OTOA: variants seen among roughly 807,000 people sequenced by gnomAD.
OTOA encodes otoancorin.
A neutral mutation model predicts 110.8 loss-of-function variants in OTOA; 70 were observed. That is an observed-to-expected ratio of 0.63 (90% CI 0.52 to 0.77). OTOA has a LOEUF of 0.77. Among genes scored for constraint, OTOA ranks in the 30% least tolerant of loss-of-function variants. The pLI is 0.00. For synonymous variants in OTOA, 373 were observed against 431.5 expected, an observed-to-expected ratio of 0.86 and a Z score of 1.68; for missense variants, 917 against 1,075.8, an observed-to-expected ratio of 0.85 and a Z score of 2.06.
At chr16:21,704,012 A>G (rs1240706254) in intron 11 of OTOA, among the ~76,000 whole-genome samples, 2 of 152,180 alleles carry the variant, frequency 1.3e-5, no homozygotes, top group African/African-American at 2.4e-5. Context: ...TGTGCACTGC[A>G]GAACTGTGTA....
At chr16:21,706,686 C>T (rs58430212) in intron 12 of OTOA, among the ~76,000 whole-genome samples, 3,258 of 152,042 alleles carry the variant, frequency 0.021, 120 homozygotes, top group African/African-American at 0.074. Context: ...AAAATCGAAA[C>T]GATGACATGA....
intron 1 of OTOA, among the ~76,000 whole-genome samples, chr16:21,673,679 C>A (rs1483530448): frequency 2.0e-5 from 3 of 152,136 alleles, no homozygotes; most frequent in South Asian, 2.1e-4. Context: ...CGTGGACATA[C>A]CACACACAGT....
chr16:21,667,172 G>T (rs1966841747), intron 1 of OTOA, among the ~76,000 whole-genome samples: 1 of 152,166 alleles, frequency 6.6e-6, no homozygotes, highest in African/African-American at 2.4e-5. Context: ...TTTGGGATCA[G>T]GTTTGCTCAA....
Position 21,700,922 on chromosome 16 carries a change from A to C in OTOA, c.875A>C (p.Lys292Thr), listed in dbSNP as rs368330662. Residue 292 changes from lysine (K) to threonine (T), a missense_variant, in exon 11 of 29, where the codon AAG becomes ACG. Physicochemically the swap from Lys to Thr is moderately conservative, Grantham distance 78. This residue lies in a region of OTOA where 840 missense variants were observed against 910.2 expected (regional missense o/e 0.92). Coordinates refer to ENST00000646100, the MANE Select transcript of OTOA (RefSeq NM_144672.4). Reference sequence around the variant, plus strand: ...TTTATCAGCTATGACAACGCCACCAAGCAGCTGGACATGGTCTATGACATC... The same window carrying C: ...TTTATCAGCTATGACAACGCCACCACGCAGCTGGACATGGTCTATGACATC... ...GLFISYDNAT[K>T]QLDMVYDITP... 2.5e-6 allele frequency: 4 copies of C among 1,614,020 alleles called. No homozygotes were observed. The highest frequency in any genetic ancestry group is 3.4e-6 in the Non-Finnish European group (4 of 1,180,004).
At chr16:21,699,225 T>C (rs1345461553) in intron 10 of OTOA, among the ~76,000 whole-genome samples, 1 of 152,160 alleles carries the variant, frequency 6.6e-6, no homozygotes, top group Non-Finnish European at 1.5e-5. Flanking sequence ...GTGCTGGTAT[T>C]ACAGGTGTGA....
At chr16:21,726,263 C>T (rs1400521887) in intron 18 of OTOA, among the ~76,000 whole-genome samples, 2 of 151,670 alleles carry the variant, frequency 1.3e-5, no homozygotes, top group African/African-American at 4.8e-5. Flanking sequence ...TTTGTTCCCA[C>T]CCATAGAAGA....
chr16:21,677,141 G>A (rs929912273), intron 1 of OTOA, among the ~76,000 whole-genome samples: 5 of 152,048 alleles, frequency 3.3e-5, no homozygotes, highest in African/African-American at 1.2e-4. Flanking sequence ...CCAATATCTG[G>A]CTACTATGAA....
chr16:21,691,832 C>G (rs1897836110), intron 9 of OTOA, 145 bp downstream of exon 9: 2 of 714,610 alleles, frequency 2.8e-6, no homozygotes, highest in Middle Eastern at 2.8e-4. Context: ...TTTGATGTGG[C>G]TTATGGAGTA....
chr16:21,672,238 C>G (rs1235574792), intron 1 of OTOA, among the ~76,000 whole-genome samples: 1 of 152,068 alleles, frequency 6.6e-6, no homozygotes, highest in Non-Finnish European at 1.5e-5. Flanking sequence ...GTGTTGTTGC[C>G]TATATCAGTA....
chr16:21,674,157 G>A (rs556221332), intron 1 of OTOA, among the ~76,000 whole-genome samples: 156 of 152,230 alleles, frequency 1.0e-3, no homozygotes, highest in Admixed American at 2.4e-3. Context: ...GCCCAAGAGT[G>A]TAATTGTTGG....
chr16:21,726,869 C>T (rs902690548), intron 19 of OTOA, among the ~76,000 whole-genome samples: 1 of 152,006 alleles, frequency 6.6e-6, no homozygotes, highest in African/African-American at 2.4e-5. Context: ...GGAGGGGAGG[C>T]TACTCTGGAG....
intron 1 of OTOA, among the ~76,000 whole-genome samples, chr16:21,665,802 C>T (rs1038898615): frequency 3.3e-5 from 5 of 151,924 alleles, no homozygotes; most frequent in African/African-American, 9.7e-5. Flanking sequence ...CATCTCTAGT[C>T]CACCAAGCTC....
At chr16:21,703,289 C>T (rs930151900) in intron 11 of OTOA, among the ~76,000 whole-genome samples, 46 of 152,094 alleles carry the variant, frequency 3.0e-4, no homozygotes, top group Non-Finnish European at 5.3e-4. Flanking sequence ...CCCCTGGTAC[C>T]AACCATTCTA....
intron 6 of OTOA, chr16:21,684,576 G>A (rs368987029): frequency 5.0e-5 from 76 of 1,530,846 alleles, no homozygotes; most frequent in Admixed American, 2.0e-4. Flanking sequence ...TGGGGGAATC[G>A]GGCTGGCTGG....
At chr16:21,681,153 G>A (rs1206896160) in intron 5 of OTOA, among the ~76,000 whole-genome samples, 1 of 152,098 alleles carries the variant, frequency 6.6e-6, no homozygotes, top group Non-Finnish European at 1.5e-5. Context: ...CAATCAGTTT[G>A]GATTGTAGTC....
chr16:21,722,520 A>G (rs982760189), intron 17 of OTOA, among the ~76,000 whole-genome samples: 1 of 151,840 alleles, frequency 6.6e-6, no homozygotes, highest in African/African-American at 2.4e-5. Flanking sequence ...CATGCATAAA[A>G]TAGCACAGAC....
Position 21,685,379 on chromosome 16 carries a change from T to TC in OTOA, c.399+21dup, listed in dbSNP as rs1897694382. On this transcript the variant is annotated intron_variant, in intron 7 of 28. Coordinates refer to ENST00000646100, the MANE Select transcript of OTOA (RefSeq NM_144672.4). The stretch of plus-strand genomic sequence containing the variant: ...ACGGCTTGGTGAGGAGCCCTTGGCA[T>TC]CCCGGGGATAGAGGAAGTCCAGCAC... 7 of 1,608,460 alleles carry TC rather than the reference T, an allele frequency of 4.4e-6. No homozygotes were observed. Among genetic ancestry groups the TC allele is most frequent in the Non-Finnish European group, 5.9e-6 (7 of 1,176,706 alleles).
chr16:21,684,403 T>C, intron 6 of OTOA: 1 of 1,497,750 alleles, frequency 6.7e-7, no homozygotes, highest in Non-Finnish European at 9.0e-7. Context: ...CCTTGCCCTG[T>C]AGGGGGCGCC....
At chr16:21,684,941 G>C (rs533176024) in intron 6 of OTOA, among the ~76,000 whole-genome samples, 72 of 151,742 alleles carry the variant, frequency 4.7e-4, no homozygotes, top group Non-Finnish European at 9.1e-4. Flanking sequence ...TAGTAGAGAC[G>C]GGGTTTCACC....
Sources: allele counts gnomAD v4.1 joint callset (sites outside exome capture counted in the v4.1 genomes callset), GRCh38; gene constraint gnomAD v4.1.1; regional missense constraint gnomAD v4.1.1; transcripts MANE v1.5; gene names NCBI Gene and HGNC (gene_info 2026-07-23, HGNC 2026-07-21).